GABRB1: variants seen among roughly 807,000 people sequenced by gnomAD.
The protein encoded by GABRB1 is gamma-aminobutyric acid type A receptor subunit beta1.
GABRB1 carries 17 observed loss-of-function variants against 51.6 expected under a neutral mutation model. That is an observed-to-expected ratio of 0.33 (90% CI 0.23 to 0.49). The LOEUF is 0.49. Ranked by LOEUF, GABRB1 falls within the 20% of genes least tolerant of loss-of-function variation. The pLI, the probability that GABRB1 is intolerant of heterozygous loss-of-function variation, is 0.99. For missense variants in GABRB1, 410 were observed against 600.6 expected (o/e 0.68, Z 3.32); for synonymous variants, 247 against 218.9 (o/e 1.13, Z -1.14).
intron 5 of GABRB1, among the ~76,000 whole-genome samples, chr4:47,341,724 C>T (rs557425237): frequency 1.2e-4 from 19 of 152,160 alleles, no homozygotes; most frequent in Admixed American, 3.9e-4. Context: ...AATTCTGAAC[C>T]AAAGTGTCTG....
intron 3 of GABRB1, among the ~76,000 whole-genome samples, chr4:47,098,747 A>T (rs1714582111): frequency 6.6e-6 from 1 of 152,096 alleles, no homozygotes; most frequent in Admixed American, 6.6e-5. Context: ...GTTGGTGGGG[A>T]AGATGATACA....
chr4:47,163,452 T>A (rs1490638894), intron 4 of GABRB1, among the ~76,000 whole-genome samples: 1 of 152,040 alleles, frequency 6.6e-6, no homozygotes, highest in Non-Finnish European at 1.5e-5. Context: ...CTCACTATTT[T>A]GGCCCTGAGA....
chr4:47,078,396 C>A (rs1486178453), intron 3 of GABRB1, among the ~76,000 whole-genome samples: 2 of 152,082 alleles, frequency 1.3e-5, no homozygotes, highest in Non-Finnish European at 2.9e-5. Flanking sequence ...TTCACTTAAC[C>A]CCACGTCCTT....
intron 5 of GABRB1, among the ~76,000 whole-genome samples, chr4:47,332,596 C>A (rs1725526071): frequency 6.6e-6 from 1 of 152,080 alleles, no homozygotes; most frequent in African/African-American, 2.4e-5. Context: ...TGATACTATG[C>A]CCCACCCCAG....
intron 4 of GABRB1, among the ~76,000 whole-genome samples, chr4:47,188,398 C>G (rs1214051627): frequency 6.6e-6 from 1 of 151,758 alleles, no homozygotes; most frequent in Non-Finnish European, 1.5e-5. Context: ...TTTTATTCAC[C>G]CATATATGTT....
At chr4:47,288,595 C>G (rs1723603066) in intron 4 of GABRB1, among the ~76,000 whole-genome samples, 1 of 152,110 alleles carries the variant, frequency 6.6e-6, no homozygotes, top group African/African-American at 2.4e-5. Flanking sequence ...TTCCTAAGGT[C>G]TAGCAGCTCC....
chr4:47,302,705 T>C (rs932668343), intron 4 of GABRB1, among the ~76,000 whole-genome samples: 1 of 152,018 alleles, frequency 6.6e-6, no homozygotes, highest in Non-Finnish European at 1.5e-5. Context: ...TCTACTAAAA[T>C]GTAGCTCTAA....
chr4:47,098,901 AC>A (rs1714593229), intron 3 of GABRB1, among the ~76,000 whole-genome samples: 1 of 152,112 alleles, frequency 6.6e-6, no homozygotes, highest in Non-Finnish European at 1.5e-5. Flanking sequence ...AGAAAATTCA[AC>A]ACTTTAGGAA....
At chr4:47,289,196 A>G (rs1723633018) in intron 4 of GABRB1, among the ~76,000 whole-genome samples, 1 of 152,192 alleles carries the variant, frequency 6.6e-6, no homozygotes. Flanking sequence ...TCAATTCCCC[A>G]TGCTGTCTGA....
chr4:47,325,977 A>G (rs1264332262), intron 5 of GABRB1, among the ~76,000 whole-genome samples: 5 of 152,178 alleles, frequency 3.3e-5, no homozygotes, highest in East Asian at 1.9e-4. Context: ...AGTAGTCCCC[A>G]CTTATTTACA....
At chr4:47,263,629 A>G (rs913148418) in intron 4 of GABRB1, among the ~76,000 whole-genome samples, 2 of 152,240 alleles carry the variant, frequency 1.3e-5, no homozygotes, top group African/African-American at 4.8e-5. Context: ...GAGGAGAAAT[A>G]AAAACAAAGT....
intron 4 of GABRB1, among the ~76,000 whole-genome samples, chr4:47,285,489 T>C (rs189865365): frequency 2.1e-4 from 32 of 152,354 alleles, no homozygotes; most frequent in African/African-American, 6.3e-4. Flanking sequence ...CGGTAAATTC[T>C]ACTTTTCTCT....
At chr4:47,048,518 C>T (rs1012589145) in intron 3 of GABRB1, among the ~76,000 whole-genome samples, 6 of 152,106 alleles carry the variant, frequency 3.9e-5, no homozygotes, top group African/African-American at 1.2e-4. Flanking sequence ...TCAATTTAAG[C>T]GTGATGCATT....
At chr4:47,347,767 A>G (rs34098612) in intron 5 of GABRB1, among the ~76,000 whole-genome samples, 55,870 of 151,974 alleles carry the variant, frequency 0.37, 10,466 homozygotes, top group South Asian at 0.47. Flanking sequence ...TCATTGACCA[A>G]TGGTGAAATA....
At chr4:47,415,769 C>T (rs1728898250) in intron 8 of GABRB1, among the ~76,000 whole-genome samples, 1 of 152,148 alleles carries the variant, frequency 6.6e-6, no homozygotes, top group African/African-American at 2.4e-5. Flanking sequence ...AGGATCTTAA[C>T]CTAAAATGAG....
chr4:47,224,259 C>A (rs1720869873), intron 4 of GABRB1, among the ~76,000 whole-genome samples: 1 of 150,964 alleles, frequency 6.6e-6, no homozygotes, highest in Admixed American at 6.6e-5. Context: ...TCATGACTCT[C>A]AAAAGGCTAC....
At chr4:47,191,396 T>A (rs1719435673) in intron 4 of GABRB1, among the ~76,000 whole-genome samples, 1 of 152,172 alleles carries the variant, frequency 6.6e-6, no homozygotes, top group Non-Finnish European at 1.5e-5. Flanking sequence ...CTCCAACATT[T>A]ACTTCACCCC....
At chr4:47,312,004 T>G (rs1483157718) in intron 4 of GABRB1, among the ~76,000 whole-genome samples, 15 of 151,212 alleles carry the variant, frequency 9.9e-5, no homozygotes, top group Non-Finnish European at 2.2e-4. Context: ...TTCCCAGTAT[T>G]CCAAGTATAA....
intron 5 of GABRB1, among the ~76,000 whole-genome samples, chr4:47,357,452 T>A (rs1726628116): frequency 6.6e-6 from 1 of 152,246 alleles, no homozygotes; most frequent in Non-Finnish European, 1.5e-5. Flanking sequence ...TCCCACCTTG[T>A]AAGGCAGAGC....
Sources: allele counts gnomAD v4.1 joint callset (sites outside exome capture counted in the v4.1 genomes callset), GRCh38; gene constraint gnomAD v4.1.1; transcripts MANE v1.5; gene names NCBI Gene and HGNC (gene_info 2026-07-23, HGNC 2026-07-21).